The following ZNRF1 variants were observed in gnomAD, a reference collection of about 807,000 sequenced individuals.
ZNRF1 encodes zinc and ring finger 1.
A neutral mutation model predicts 18.4 loss-of-function variants in ZNRF1; 3 were observed. The observed-to-expected ratio is 0.16, with a 90% CI of 0.07 to 0.42. The LOEUF is 0.42. Among genes scored for constraint, ZNRF1 ranks in the 10% least tolerant of loss-of-function variants. ZNRF1 has a pLI of 0.99. For synonymous variants in ZNRF1, 157 were observed against 144.2 expected, an observed-to-expected ratio of 1.09 and a Z score of -0.64; for missense variants, 310 against 329.8, an observed-to-expected ratio of 0.94 and a Z score of 0.47.
intron 1 of ZNRF1, among the ~76,000 whole-genome samples, chr16:75,023,395 C>A (rs529712122): frequency 6.6e-6 from 1 of 152,270 alleles, no homozygotes; most frequent in East Asian, 1.9e-4. Context: ...TTAAGAAAGT[C>A]ACACCAGGCC....
At chr16:75,020,916 T>A (rs2035138805) in intron 1 of ZNRF1, among the ~76,000 whole-genome samples, 1 of 152,234 alleles carries the variant, frequency 6.6e-6, no homozygotes, top group African/African-American at 2.4e-5. Context: ...AGGCTACTCT[T>A]AAATTTTTGG....
At chr16:75,035,261 T>C (rs2035362888) in intron 1 of ZNRF1, among the ~76,000 whole-genome samples, 1 of 152,330 alleles carries the variant, frequency 6.6e-6, no homozygotes. Context: ...CTCCAACTCC[T>C]GGGCTCAAGT....
In ZNRF1 at chr16:75,065,518, T is replaced by C. The variant is rs113483049; in HGVS notation, c.425-28054T>C. ...AGGTGTGGGGCGACTTGTTTTTAAT[T>C]AATTATAAAAGTAATTTGAGTTCGT... is the stretch of plus-strand genomic sequence containing the variant. On this transcript the variant is annotated intron_variant, in intron 1 of 4. Transcript: ENST00000335325. Among the ~76,000 whole-genome samples the C allele has an allele frequency of 2.8e-3, 427 of 152,330 alleles. 1 individual carries two copies. Among genetic ancestry groups the C allele is most frequent in the Non-Finnish European group, 5.0e-3 (340 of 68,026 alleles).
At chr16:75,034,744 A>G (rs1374434759) in intron 1 of ZNRF1, among the ~76,000 whole-genome samples, 3 of 152,164 alleles carry the variant, frequency 2.0e-5, no homozygotes, top group Non-Finnish European at 4.4e-5. Context: ...CTTATGCCTC[A>G]GCCTCCCAAG....
rs541634493 is a variant in ZNRF1, at chr16:75,065,343, C to T, written c.425-28229C>T. ...AGACGGGGGTGCCTTAGACTACTGCCGCACGGCAACTCCTCAACTCCTCCA... is the reference window on the plus strand; with the variant it reads ...AGACGGGGGTGCCTTAGACTACTGCTGCACGGCAACTCCTCAACTCCTCCA... On this transcript the variant is annotated intron_variant, in intron 1 of 4. Transcript: ENST00000335325. Among the ~76,000 whole-genome samples the T allele has an allele frequency of 7.2e-5, 11 of 152,220 alleles. No homozygotes were observed. In the South Asian group the frequency reaches 1.0e-3, roughly 14 times the overall value.
intron 1 of ZNRF1, among the ~76,000 whole-genome samples, chr16:75,091,122 G>A (rs1054660631): frequency 2.6e-5 from 4 of 152,138 alleles, no homozygotes; most frequent in Admixed American, 1.3e-4. Context: ...ACTTTGGGAA[G>A]CTCAGGCAGG....
At chr16:75,006,594 C>T (rs1597853040) in intron 1 of ZNRF1, among the ~76,000 whole-genome samples, 1 of 152,144 alleles carries the variant, frequency 6.6e-6, no homozygotes, top group African/African-American at 2.4e-5. Context: ...CACCACCACG[C>T]CTGACTAGTT....
At chr16:75,000,353 GT>G (rs1567460887) in intron 1 of ZNRF1, 1 of 668,120 alleles carries the variant, frequency 1.5e-6, no homozygotes, top group South Asian at 1.5e-5. Flanking sequence ...ACCTATTGGA[GT>G]TCCATTTATT....
chr16:75,105,012 G>T, intron 3 of ZNRF1, 123 bp downstream of exon 3: 1 of 788,542 alleles, frequency 1.3e-6, no homozygotes, highest in Non-Finnish European at 2.1e-6. Flanking sequence ...GGCTCCGAGC[G>T]GGTAAGGGCA....
chr16:75,009,876 C>T (rs994411641), intron 1 of ZNRF1, among the ~76,000 whole-genome samples: 1 of 151,950 alleles, frequency 6.6e-6, no homozygotes, highest in Non-Finnish European at 1.5e-5. Flanking sequence ...ATTTGCATTT[C>T]TCTAATGAAT....
At chr16:75,078,260 GTTTT>G (rs1324881478) in intron 1 of ZNRF1, among the ~76,000 whole-genome samples, 1 of 117,142 alleles carries the variant, frequency 8.5e-6, no homozygotes, top group Non-Finnish European at 1.9e-5. Context: ...CTGGCTGCTT[GTTTT>G]TTTAATTCTC....
At chr16:75,095,757 C>T (rs2036190290) in intron 2 of ZNRF1, 2 of 1,511,042 alleles carry the variant, frequency 1.3e-6, no homozygotes, top group African/African-American at 2.8e-5. Flanking sequence ...GAAGGTGAGG[C>T]TGTCCAGCTC....
At chr16:75,049,239 A>G (rs755252527) in intron 1 of ZNRF1, among the ~76,000 whole-genome samples, 1 of 151,930 alleles carries the variant, frequency 6.6e-6, no homozygotes, top group Non-Finnish European at 1.5e-5. Context: ...TCCTGACCTT[A>G]GGTGATCTGC....
At chr16:75,030,615 A>G (rs1319233201) in intron 1 of ZNRF1, among the ~76,000 whole-genome samples, 2 of 152,132 alleles carry the variant, frequency 1.3e-5, no homozygotes, top group Admixed American at 6.6e-5. Context: ...ATTAGTCCAA[A>G]AAGAAACCCC....
chr16:75,100,520 G>C (rs902669378), intron 2 of ZNRF1, among the ~76,000 whole-genome samples: 4 of 152,180 alleles, frequency 2.6e-5, no homozygotes, highest in Non-Finnish European at 5.9e-5. Flanking sequence ...CCTGGGGGGC[G>C]ATGAGGGAGA....
chr16:75,068,652 C>G (rs145330134), intron 1 of ZNRF1, among the ~76,000 whole-genome samples: 1 of 152,084 alleles, frequency 6.6e-6, no homozygotes, highest in East Asian at 1.9e-4. Flanking sequence ...TGAGGGCCTC[C>G]GAGACCAGCT....
chr16:74,999,997 G>A lies in ZNRF1; in HGVS notation c.326G>A (p.Gly109Asp), dbSNP rs1449789163. 2 of 1,587,822 alleles carry A rather than the reference G, an allele frequency of 1.3e-6. No individual in the cohort carries two copies. The highest frequency in any genetic ancestry group is 8.6e-7 in the Non-Finnish European group (1 of 1,168,272). ...AATGGTTACCAGGAGACGGGCGGCG[G>A]TCACCATAGAGACGGGATGCTGTAC... ...HGNGYQETGGGHHRDGMLYLG... is the reference protein window; with the variant it reads ...HGNGYQETGGDHHRDGMLYLG... Residue 109 changes from glycine to aspartate, a missense_variant, in exon 1 of 5, where the codon GGT becomes GAT. Physicochemically the swap from Gly to Asp is moderately conservative, Grantham distance 94 (BLOSUM62 -1). Around this residue, in one of 2 missense-constraint regions of ZNRF1, gnomAD observed 293 missense variants for 291.2 expected, o/e 1.01. Transcript: ENST00000335325.
At chr16:75,044,387 C>T (rs1313683200) in intron 1 of ZNRF1, among the ~76,000 whole-genome samples, 2 of 152,136 alleles carry the variant, frequency 1.3e-5, no homozygotes, top group Admixed American at 6.6e-5. Flanking sequence ...CCACCATGCC[C>T]AGCTAATTTT....
rs139560735 is a variant in ZNRF1 at position 75,061,525 on chromosome 16, A to G, written c.425-32047A>G. ...GGGTGAATCGTACTTCATAGTGTAT[A>G]TGTACCTTCCATTCATGTTGTTGCA... is the stretch of plus-strand genomic sequence containing the variant. On this transcript the variant is annotated intron_variant, in intron 1 of 4. Transcript: ENST00000335325. Among the ~76,000 whole-genome samples, 401 of 105,730 alleles carry G rather than the reference A, an allele frequency of 3.8e-3. 3 individuals carry two copies. The highest frequency in any genetic ancestry group is 0.014 in the African/African-American group (387 of 27,764). 69.4% of individuals were successfully genotyped at this position (105,730 alleles called of 152,430 possible). A position where few individuals can be genotyped will look rare whatever the true frequency, so the allele number is the denominator to read the frequency against.
Sources: gnomAD v4.1 joint callset for allele counts (sites outside exome capture counted in the v4.1 genomes callset) on GRCh38, gnomAD v4.1.1 for gene constraint, gnomAD v4.1.1 regional missense constraint, MANE v1.5 for transcripts, NCBI Gene and HGNC (gene_info 2026-07-23, HGNC 2026-07-21) for gene names.